The following ADAMTS20 variants were observed in gnomAD, a reference collection of about 807,000 sequenced individuals.
ADAMTS20 encodes ADAM metallopeptidase with thrombospondin type 1 motif 20, also known as A disintegrin and metalloproteinase with thrombospondin motifs 20.
Under a neutral mutation model 260.1 loss-of-function variants are expected in ADAMTS20, and 225 were observed. That is an observed-to-expected ratio of 0.87 (90% confidence interval 0.78 to 0.97). The LOEUF (loss-of-function observed/expected upper bound fraction) is 0.97. Ranked by LOEUF, ADAMTS20 falls within the 50% of genes least tolerant of loss-of-function variation. The probability of loss-of-function intolerance (pLI) is 0.00; values close to 1 mark genes in which losing one functional copy is unlikely to be tolerated. For synonymous variants in ADAMTS20, 802 were observed against 769.5 expected (o/e 1.04, Z -0.70); for missense variants, 2,400 against 2,337.7 (o/e 1.03, Z -0.55).
At chr12:43,466,988 A>C (rs533120576) in intron 8 of ADAMTS20, among the ~76,000 whole-genome samples, 193 bp from the exon 9 acceptor site, 2 of 146,710 alleles carry the variant, frequency 1.4e-5, no homozygotes, top group East Asian at 4.6e-4. Context: ...GAGAAATATT[A>C]TAGGCTGGTG....
chr12:43,471,293 C>T (rs982915942), intron 7 of ADAMTS20, among the ~76,000 whole-genome samples: 3 of 151,968 alleles, frequency 2.0e-5, no homozygotes, highest in Non-Finnish European at 2.9e-5. Flanking sequence ...TAAAACACGG[C>T]GCACCACGGG....
intron 2 of ADAMTS20, among the ~76,000 whole-genome samples, chr12:43,540,685 T>C (rs987125937): frequency 1.3e-5 from 2 of 152,172 alleles, no homozygotes; most frequent in Non-Finnish European, 2.9e-5. Flanking sequence ...GATCATGCCA[T>C]ATTTTTAGCA....
At chr12:43,392,516 C>T (rs903502526) in intron 29 of ADAMTS20, among the ~76,000 whole-genome samples, 2 of 151,994 alleles carry the variant, frequency 1.3e-5, no homozygotes, top group African/African-American at 4.8e-5. Context: ...GGGACTACTA[C>T]TTGGAAGAAA....
chr12:43,480,789 C>T (rs555850637), intron 7 of ADAMTS20, among the ~76,000 whole-genome samples: 1 of 152,154 alleles, frequency 6.6e-6, no homozygotes, highest in South Asian at 2.1e-4. Flanking sequence ...ATGGTGGTTT[C>T]CACATGCTGA....
rs1940637654 is a variant in ADAMTS20 at position 43,393,434 on chromosome 12, A to G, written c.4452+5632T>C. ...TATGAAAAAATATAACACTGCATAC[A>G]TTAGTGCTTTAAAGACTTGAGAGTG... is the stretch of plus-strand genomic sequence containing the variant. On this transcript the variant is annotated intron_variant, in intron 29 of 38. Coordinates refer to ENST00000389420, the MANE Select transcript of ADAMTS20 (RefSeq NM_025003.5). 2.0e-5 allele frequency among the ~76,000 whole-genome samples: 3 copies of G among 151,996 alleles called. No homozygotes were observed. In the South Asian group the frequency reaches 6.2e-4, roughly 31 times the overall value.
At chr12:43,532,762 A>T (rs1943243560) in intron 2 of ADAMTS20, among the ~76,000 whole-genome samples, 1 of 72,568 alleles carries the variant, frequency 1.4e-5, no homozygotes, top group Non-Finnish European at 2.8e-5. Context: ...TGTCCATGTG[A>T]TCTCATTGTT....
rs765887467 is a variant in ADAMTS20, at chr12:43,466,761, T to C, written c.1258A>G (p.Lys420Glu). 3.7e-6 allele frequency: 6 copies of C among 1,607,964 alleles called. No individual in the cohort carries two copies. The East Asian group carries it at 1.3e-4, about 36-fold the overall frequency. ...GVQHDDNPRC[K>E]EMKVTKYHVM... ...TGATACTTTGTAACTTTCATTTCTT[T>C]ACATCTAGGATTATCATCATGTTGA... The change falls in exon 9 of 39, where the codon AAA becomes GAA. Residue 420 changes from lysine (K) to glutamate (E), a missense_variant. Lys to Glu is a moderately conservative substitution (Grantham distance 56, BLOSUM62 1). Transcript: ENST00000389420.
chr12:43,484,564 G>A (rs1942493255), intron 7 of ADAMTS20, among the ~76,000 whole-genome samples: 1 of 152,108 alleles, frequency 6.6e-6, no homozygotes, highest in South Asian at 2.1e-4. Flanking sequence ...ACTAGAAGGA[G>A]TCTAACAACA....
At chr12:43,383,223 A>AAT (rs1940392671) in intron 31 of ADAMTS20, among the ~76,000 whole-genome samples, 1 of 152,144 alleles carries the variant, frequency 6.6e-6, no homozygotes, top group Non-Finnish European at 1.5e-5. Flanking sequence ...ATATATTTTG[A>AAT]ATATATTTAG....
chr12:43,474,997 A>C (rs916918757), intron 7 of ADAMTS20, among the ~76,000 whole-genome samples: 10 of 126,882 alleles, frequency 7.9e-5, no homozygotes, highest in African/African-American at 2.9e-4. Context: ...CAGGGCAATC[A>C]GGCAGGAGAA....
chr12:43,430,682 T>A (rs1941425854), intron 22 of ADAMTS20, among the ~76,000 whole-genome samples: 1 of 152,166 alleles, frequency 6.6e-6, no homozygotes, highest in Non-Finnish European at 1.5e-5. Flanking sequence ...TTAACCAAAC[T>A]GTACAACAAT....
At chr12:43,544,793 T>G (rs981382258) in intron 2 of ADAMTS20, among the ~76,000 whole-genome samples, 2 of 152,176 alleles carry the variant, frequency 1.3e-5, no homozygotes, top group Non-Finnish European at 2.9e-5. Context: ...CACAAGATCA[T>G]TCAGTCATTT....
intron 29 of ADAMTS20, among the ~76,000 whole-genome samples, chr12:43,395,711 G>C (rs1184544): frequency 8.4e-6 from 1 of 119,726 alleles, no homozygotes; most frequent in Non-Finnish European, 1.6e-5. Context: ...GAGAGTTTTA[G>C]AATGGATTTA....
Position 43,502,166 on chromosome 12 carries a change from T to C in ADAMTS20, c.853A>G (p.Thr285Ala). 6.3e-7 allele frequency: 1 copy of C among 1,578,730 alleles called. No individual in the cohort carries two copies. Among genetic ancestry groups the C allele is most frequent in the Non-Finnish European group, 8.6e-7 (1 of 1,167,410 alleles). ...HGSNLQNYIL[T>A]LMSIVATIYK... ...AGTTTACTTACAATTGACATTAGAG[T>C]CAGTATATAGTTTTGCAAATTCGAT... is the stretch of plus-strand genomic sequence containing the variant. Residue 285 changes from threonine to alanine, a missense_variant, in exon 4 of 39, where the codon ACT becomes GCT. Thr to Ala is a moderately conservative substitution (Grantham distance 58, BLOSUM62 0). Coordinates refer to ENST00000389420, the MANE Select transcript of ADAMTS20 (RefSeq NM_025003.5).
At chr12:43,367,053 T>C (rs200770173) in intron 37 of ADAMTS20, among the ~76,000 whole-genome samples, 5 of 151,824 alleles carry the variant, frequency 3.3e-5, no homozygotes, top group Non-Finnish European at 5.9e-5. Flanking sequence ...AGAGAGTAAA[T>C]TGGTAATTAA....
intron 7 of ADAMTS20, among the ~76,000 whole-genome samples, chr12:43,481,691 T>C (rs1942444164): frequency 6.6e-6 from 1 of 152,170 alleles, no homozygotes; most frequent in Non-Finnish European, 1.5e-5. Flanking sequence ...TCATAAAACA[T>C]TTACTTTAAC....
At chr12:43,537,649 C>T (rs560575504) in intron 2 of ADAMTS20, among the ~76,000 whole-genome samples, 1 of 152,176 alleles carries the variant, frequency 6.6e-6, no homozygotes, top group South Asian at 2.1e-4. Flanking sequence ...CCATCCCCAC[C>T]TCTCCCCACC....
intron 28 of ADAMTS20, among the ~76,000 whole-genome samples, chr12:43,402,700 G>C (rs1940833508): frequency 6.6e-6 from 1 of 151,934 alleles, no homozygotes; most frequent in East Asian, 1.9e-4. Context: ...TTTTCTTCTG[G>C]TATCCCAGCA....
chr12:43,499,542 G>A, intron 4 of ADAMTS20, among the ~76,000 whole-genome samples: 1 of 146,418 alleles, frequency 6.8e-6, no homozygotes, highest in African/African-American at 2.5e-5. Context: ...AGGCTGCAGT[G>A]CAGTGGCACG....
Sources: allele counts gnomAD v4.1 joint callset (sites outside exome capture counted in the v4.1 genomes callset), GRCh38; gene constraint gnomAD v4.1.1; transcripts MANE v1.5; gene names NCBI Gene and HGNC (gene_info 2026-07-23, HGNC 2026-07-21).